Variants in ATP2A3 observed in about 807,000 individuals in gnomAD.
ATP2A3 encodes the protein sarcoplasmic/endoplasmic reticulum calcium ATPase 3.
In ATP2A3, 61 loss-of-function variants were observed where a neutral mutation model predicts 106.8. The ratio of observed to expected loss-of-function variants is 0.57; its 90% CI spans 0.46 to 0.71. The LOEUF is 0.71. Ranked by LOEUF, ATP2A3 falls within the 30% of genes least tolerant of loss-of-function variation. ATP2A3 has a pLI of 0.00. For missense variants in ATP2A3, 1,201 were observed against 1,423.5 expected (o/e 0.84, Z 2.52); for synonymous variants, 611 against 609.3 (o/e 1.00, Z -0.04).
chr17:3,951,543 A>AG, intron 4 of ATP2A3, 38 bp downstream of exon 4: 1 of 1,387,006 alleles, frequency 7.2e-7, no homozygotes, highest in Non-Finnish European at 9.9e-7. Context: ...TGGCTGGGAG[A>AG]CCGCCCCCCG....
At chr17:3,939,012 A>T (rs940607673) in intron 14 of ATP2A3, among the ~76,000 whole-genome samples, 3 of 152,116 alleles carry the variant, frequency 2.0e-5, no homozygotes, top group African/African-American at 7.2e-5. Flanking sequence ...ACAAAAAATT[A>T]AAAAATTAGC....
Position 3,951,295 on chromosome 17 carries a change from A to G in ATP2A3, c.419T>C (p.Ile140Thr). The G allele has an allele frequency of 6.2e-7, 1 of 1,613,840 alleles. No individual in the cohort carries two copies. Among genetic ancestry groups the G allele is most frequent in the East Asian group, 2.2e-5 (1 of 44,892 alleles). Residue 140 changes from isoleucine (I) to threonine (T), a missense_variant, in exon 5 of 21, where the codon ATC becomes ACC. By Grantham distance (89) the Ile-to-Thr change is moderately conservative. This residue lies in a region of ATP2A3 where 266 missense variants were observed against 246.8 expected (regional missense o/e 1.08). Coordinates refer to ENST00000397041, the MANE Select transcript of ATP2A3 (RefSeq NM_005173.4). ...IRSDRKGVQR[I>T]RARDIVPGDI... ...CCCTGGGACGATGTCCCGGGCACGG[A>G]TCCTCTGCACGCCCTTGCGGTCCGA...
intron 1 of ATP2A3, among the ~76,000 whole-genome samples, chr17:3,958,823 C>CATATATATACACATAT (rs2054958634): frequency 2.1e-5 from 2 of 95,474 alleles, no homozygotes; most frequent in East Asian, 4.8e-4. Context: ...TATATACACA[C>CATATATATACACATAT]ATATATATAC....
chr17:3,945,332 C>T (rs2054053888), intron 8 of ATP2A3, 184 bp from the exon 9 acceptor site: 1 of 542,418 alleles, frequency 1.8e-6, no homozygotes. Context: ...GGACCGTCTG[C>T]TCTGCCAGAT....
At chr17:3,938,463 G>A (rs2053568207) in intron 14 of ATP2A3, among the ~76,000 whole-genome samples, 1 of 151,968 alleles carries the variant, frequency 6.6e-6, no homozygotes, top group South Asian at 2.1e-4. Context: ...CAAAGTTGAG[G>A]TCAACATAAA....
rs551095245 is a variant in ATP2A3, at chr17:3,924,613, A to G, written c.*809T>C. ...GTGGCAAGTTGGACCTCTGCGTGGC[A>G]GACCGGGCGGCAGTGTGACTCTGAA... On this transcript the variant is annotated 3_prime_UTR_variant, in exon 21 of 21. Coordinates refer to ENST00000397041, the MANE Select transcript of ATP2A3 (RefSeq NM_005173.4). The surrounding 1 kb of genome is among the most constrained non-coding windows in gnomAD (Gnocchi z 6.4). 2.7e-6 allele frequency: 1 copy of G among 368,198 alleles called. No homozygotes were observed. Among genetic ancestry groups the G allele is most frequent in the African/African-American group, 2.1e-5 (1 of 47,434 alleles). The allele number at this position is 368,198 out of a possible 1,614,324, so 22.8% of individuals were successfully genotyped here.
Position 3,937,519 on chromosome 17 carries a change from A to G in ATP2A3, c.2218T>C (p.Phe740Leu). 6.2e-7 allele frequency: 1 copy of G among 1,614,106 alleles called. No individual in the cohort carries two copies. The highest frequency in any genetic ancestry group is 1.1e-5 in the South Asian group (1 of 91,076). Residue 740 changes from phenylalanine (F) to leucine (L), a missense_variant, in exon 15 of 21, where the codon TTT becomes CTT. Phe to Leu is a conservative substitution (Grantham distance 22, BLOSUM62 0). Around this residue, in one of 2 missense-constraint regions of ATP2A3, gnomAD observed 935 missense variants for 1,176.7 expected, o/e 0.79. Transcript: ENST00000397041. ...TCCACCGCAGCCACGATGGAGGCAA[A>G]GTTGTCATCTGACAGCACCATCTCT... Reference protein sequence around the residue: ...AAEMVLSDDNFASIVAAVEEG... With the variant: ...AAEMVLSDDNLASIVAAVEEG...
intron 20 of ATP2A3, chr17:3,927,798 C>G (rs1039500880): frequency 4.1e-6 from 4 of 985,242 alleles, no homozygotes; most frequent in African/African-American, 1.7e-5. Context: ...ATGACAGACG[C>G]GTGATCTATT....
In ATP2A3 at chr17:3,926,795, C is replaced by A. The variant is rs2144181203; in HGVS notation, c.2981-1354G>T. ...ATGTTGGCCAGGCTGGTCTCTAACT[C>A]CTGACTCAGGTGATCTGCCCACCTC... is the stretch of plus-strand genomic sequence containing the variant. On this transcript the variant is annotated intron_variant, in intron 20 of 20. Transcript: ENST00000397041. The surrounding 1 kb of genome is among the most constrained non-coding windows in gnomAD (Gnocchi z 4.6). 6 of 935,656 alleles carry A rather than the reference C, an allele frequency of 6.4e-6. No homozygotes were observed. The highest frequency in any genetic ancestry group is 5.5e-4 in the Middle Eastern group (1 of 1,814). 58.0% of individuals were successfully genotyped at this position (935,656 alleles called of 1,614,324 possible).
At chr17:3,934,899 C>T in intron 17 of ATP2A3, 1 of 416,360 alleles carries the variant, frequency 2.4e-6, no homozygotes, top group South Asian at 2.3e-5. Flanking sequence ...TCCTCTGAGG[C>T]CTCAACGTTT....
chr17:3,947,400 A>G lies in ATP2A3; in HGVS notation c.1086T>C (p.Ser362=). The change falls in exon 8 of 21, where the codon TCT becomes TCC. Residue 362 remains serine, a synonymous_variant. Transcript: ENST00000397041. This position sits in a 1 kb window ranked among gnomAD's most constrained non-coding sequence, Gnocchi z 7.7. The part of the protein sequence containing the change: ...KTGTLTTNQM[S]VCRMFVVAEA... ...GCTGGCCGTCACTCACCCGGCAGACAGACATCTGATTGGTGGTGAGCGTGC... is the reference window on the plus strand; with the variant it reads ...GCTGGCCGTCACTCACCCGGCAGACGGACATCTGATTGGTGGTGAGCGTGC... The G allele has an allele frequency of 1.9e-6, 3 of 1,613,892 alleles. No homozygotes were observed. Among genetic ancestry groups the G allele is most frequent in the Non-Finnish European group, 2.5e-6 (3 of 1,180,046 alleles).
At chr17:3,933,460 G>A (rs985511010) in intron 17 of ATP2A3, among the ~76,000 whole-genome samples, 6 of 150,888 alleles carry the variant, frequency 4.0e-5, no homozygotes, top group Non-Finnish European at 8.8e-5. Flanking sequence ...GCTGGGGTCC[G>A]GGTGCCGTGG....
intron 1 of ATP2A3, among the ~76,000 whole-genome samples, chr17:3,958,579 C>T (rs765490823): frequency 5.9e-5 from 9 of 151,840 alleles, no homozygotes; most frequent in Non-Finnish European, 8.8e-5. Context: ...TTAGCCAAGC[C>T]TCAGGATTGC....
At chr17:3,954,689 G>A (rs11650881) in intron 1 of ATP2A3, among the ~76,000 whole-genome samples, 2,246 of 152,076 alleles carry the variant, frequency 0.015, 24 homozygotes, top group Non-Finnish European at 0.023. Context: ...TAGAAATGGG[G>A]TTTCACTATG....
chr17:3,943,271 CAAAAA>C, intron 11 of ATP2A3, 115 bp downstream of exon 11: 2 of 1,306,250 alleles, frequency 1.5e-6, no homozygotes, highest in Non-Finnish European at 2.1e-6. Flanking sequence ...GACTCCGTCT[CAAAAA>C]AAAAAAAAAA....
At chr17:3,943,110 A>T (rs1282773480) in intron 11 of ATP2A3, among the ~76,000 whole-genome samples, 1 of 152,112 alleles carries the variant, frequency 6.6e-6, no homozygotes, top group Non-Finnish European at 1.5e-5. Flanking sequence ...CAACATGGTG[A>T]AACCCTGTCT....
intron 1 of ATP2A3, among the ~76,000 whole-genome samples, chr17:3,956,765 C>T (rs1469233448): frequency 6.6e-6 from 1 of 152,118 alleles, no homozygotes; most frequent in Non-Finnish European, 1.5e-5. Flanking sequence ...GATTTGGAGG[C>T]GATTGCTGCA....
chr17:3,949,409 G>A (rs973814944), intron 7 of ATP2A3, among the ~76,000 whole-genome samples: 7 of 152,198 alleles, frequency 4.6e-5, no homozygotes, highest in East Asian at 1.9e-4. Flanking sequence ...CAGGTAGACC[G>A]GGCATCATGC....
Position 3,925,124 on chromosome 17 carries a change from C to T in ATP2A3, c.*298G>A, listed in dbSNP as rs916443392. The T allele has an allele frequency of 4.9e-5, 28 of 573,504 alleles. No homozygotes were observed. Among genetic ancestry groups the T allele is most frequent in the Admixed American group, 2.4e-4 (8 of 32,868 alleles). 35.5% of individuals were successfully genotyped at this position (573,504 alleles called of 1,614,324 possible). A position where few individuals can be genotyped will look rare whatever the true frequency, so the allele number is the denominator to read the frequency against. ...GGATCTCTGGGTATGCTGCCAGCTC[C>T]GGCTTCTTGGCTGCCCCCTCCCAGC... On this transcript the variant is annotated 3_prime_UTR_variant, in exon 21 of 21. Transcript: ENST00000397041. This position sits in a 1 kb window ranked among gnomAD's most constrained non-coding sequence, Gnocchi z 4.2.
Sources: gnomAD v4.1 joint callset for allele counts (sites outside exome capture counted in the v4.1 genomes callset) on GRCh38, gnomAD v4.1.1 for gene constraint, gnomAD v4.1.1 regional missense constraint, Gnocchi (gnomAD v3.1) non-coding constraint, MANE v1.5 for transcripts, NCBI Gene and HGNC (gene_info 2026-07-23, HGNC 2026-07-21) for gene names.